Variants in USP32 observed in about 807,000 individuals in gnomAD.
USP32 encodes ubiquitin specific peptidase 32.
USP32 carries 59 observed loss-of-function variants against 204.8 expected under a neutral mutation model. That is an observed-to-expected ratio of 0.29 (90% CI 0.23 to 0.36). USP32 has a LOEUF of 0.36. Ranked by LOEUF, USP32 falls within the 10% of genes least tolerant of loss-of-function variation. USP32 has a pLI of 1.00. For synonymous variants in USP32, 517 were observed against 678.4 expected (o/e 0.76, Z 3.70); for missense variants, 1,160 against 1,946.4 (o/e 0.60, Z 7.60).
At chr17:60,383,074 CGTCTATATTAAAAATA>C (rs1398429881) in intron 1 of USP32, among the ~76,000 whole-genome samples, 2 of 151,816 alleles carry the variant, frequency 1.3e-5, no homozygotes, top group African/African-American at 4.8e-5. Context: ...GCTGAAACCC[CGTCTATATTAAAAATA>C]CAAAAATTAG....
At chr17:60,419,349 A>G (rs968823918) in intron 1 of USP32, among the ~76,000 whole-genome samples, 13 of 152,190 alleles carry the variant, frequency 8.5e-5, no homozygotes, top group Non-Finnish European at 1.9e-4. Flanking sequence ...AACAACACAC[A>G]CTGGGGCCTA....
At position 60,225,909 on chromosome 17, in the gene USP32, G is replaced by A. The variant is rs570902654; in HGVS notation, c.1432+130C>T. The A allele has an allele frequency of 6.6e-5, 63 of 947,738 alleles. No homozygotes were observed. In the Admixed American group the frequency reaches 1.8e-3, roughly 28 times the overall value. The allele number at this position is 947,738 out of a possible 1,614,324, so 58.7% of individuals were successfully genotyped here. On this transcript the variant is annotated intron_variant, in intron 13 of 33. Coordinates refer to ENST00000300896, the MANE Select transcript of USP32 (RefSeq NM_032582.4). ...GTGGAGGTTGCAGTGAGCAGAGATC[G>A]CGCCACTGCGCTCCAGCCTGGGCAA...
At chr17:60,201,651 T>C (rs1160183862) in intron 26 of USP32, among the ~76,000 whole-genome samples, 1 of 151,772 alleles carries the variant, frequency 6.6e-6, no homozygotes, top group African/African-American at 2.4e-5. Flanking sequence ...ATTACTAGTG[T>C]CGTTGATCAT....
At chr17:60,339,573 A>G (rs143754216) in intron 2 of USP32, among the ~76,000 whole-genome samples, 6,086 of 148,898 alleles carry the variant, frequency 0.041, 468 homozygotes, top group African/African-American at 0.15. Context: ...ACAAGAGCAA[A>G]ACTCCATCTC....
At chr17:60,322,856 T>C (rs1036355921) in intron 2 of USP32, among the ~76,000 whole-genome samples, 2 of 152,198 alleles carry the variant, frequency 1.3e-5, no homozygotes, top group Non-Finnish European at 2.9e-5. Context: ...ACCACATGAA[T>C]GTATAAATAT....
chr17:60,264,125 A>AT lies in USP32; in HGVS notation c.990+1286dup, dbSNP rs914069214. Among the ~76,000 whole-genome samples, 310 of 151,750 alleles carry AT rather than the reference A, an allele frequency of 2.0e-3. 1 individual carries two copies. The highest frequency in any genetic ancestry group is 4.6e-3 in the African/African-American group (191 of 41,418). ...TGTTACCAAACTAAATAAGTCAAGGATTTTTTTTTAATTTATAAAGTACAT... is the reference window on the plus strand; with the variant it reads ...TGTTACCAAACTAAATAAGTCAAGGATTTTTTTTTTAATTTATAAAGTACAT... On this transcript the variant is annotated intron_variant, in intron 9 of 33. Coordinates refer to ENST00000300896, the MANE Select transcript of USP32 (RefSeq NM_032582.4).
At chr17:60,283,217 T>C (rs866120582) in intron 5 of USP32, among the ~76,000 whole-genome samples, 2 of 152,192 alleles carry the variant, frequency 1.3e-5, no homozygotes, top group Admixed American at 6.5e-5. Context: ...AGTGTAGCTA[T>C]AATATAAAAG....
chr17:60,396,932 G>T (rs1401110617), upstream of USP32, among the ~76,000 whole-genome samples: 4 of 152,154 alleles, frequency 2.6e-5, no homozygotes, highest in Admixed American at 6.5e-5. Context: ...GTTTACAAAG[G>T]TTAGGAGAAG....
At chr17:60,380,632 G>A (rs2089631605) in intron 1 of USP32, among the ~76,000 whole-genome samples, 1 of 152,182 alleles carries the variant, frequency 6.6e-6, no homozygotes, top group Admixed American at 6.5e-5. Context: ...AATGCTTATT[G>A]TAGAGAAGTG....
intron 1 of USP32, chr17:60,421,380 C>G (rs1822594769): frequency 1.0e-6 from 1 of 985,512 alleles, no homozygotes; most frequent in Non-Finnish European, 1.2e-6. Context: ...TACTTGAAGC[C>G]GCTATGCCCC....
chr17:60,360,495 CT>C (rs2089183064), intron 1 of USP32, among the ~76,000 whole-genome samples: 1 of 151,538 alleles, frequency 6.6e-6, no homozygotes, highest in Admixed American at 6.6e-5. Flanking sequence ...CCCGTATCTA[CT>C]AAAAATACAA....
At chr17:60,273,407 T>C (rs991552069) in intron 5 of USP32, among the ~76,000 whole-genome samples, 1 of 152,184 alleles carries the variant, frequency 6.6e-6, no homozygotes, top group Non-Finnish European at 1.5e-5. Context: ...CCAGAGGGTC[T>C]CTACTTAATA....
chr17:60,237,912 A>G (rs1016922601), intron 11 of USP32, among the ~76,000 whole-genome samples: 3 of 152,156 alleles, frequency 2.0e-5, no homozygotes, highest in East Asian at 3.8e-4. Context: ...GTATTTGAGT[A>G]CCTGTTTTCA....
At position 60,392,114 on chromosome 17, in the gene USP32, C is replaced by G; in HGVS notation, c.-175G>C. ...GGCGGCTCCTCCCGGTCGCCGCCAC[C>G]GCCTCCATGCCGGATCACGTGACTC... is the stretch of plus-strand genomic sequence containing the variant. On this transcript the variant is annotated 5_prime_UTR_variant, in exon 1 of 34. Transcript: ENST00000300896. 1 of 615,064 alleles carries G rather than the reference C, an allele frequency of 1.6e-6. No homozygotes were observed. Among genetic ancestry groups the G allele is most frequent in the Non-Finnish European group, 2.8e-6 (1 of 362,556 alleles). 38.1% of individuals were successfully genotyped at this position (615,064 alleles called of 1,614,324 possible).
At chr17:60,410,678 TAAAG>T (rs952252155) in intron 1 of USP32, among the ~76,000 whole-genome samples, 9 of 151,376 alleles carry the variant, frequency 5.9e-5, no homozygotes, top group South Asian at 2.1e-4. Flanking sequence ...AAAAAATAAA[TAAAG>T]AAAGAAAGAA....
Position 60,345,525 on chromosome 17 carries a change from T to G in USP32, c.142A>C (p.Ile48Leu). 1 of 1,614,232 alleles carries G rather than the reference T, an allele frequency of 6.2e-7. No individual in the cohort carries two copies. The highest frequency in any genetic ancestry group is 8.5e-7 in the Non-Finnish European group (1 of 1,180,032). Residue 48 changes from isoleucine to leucine, a missense_variant, in exon 2 of 34, where the codon ATC becomes CTC. Physicochemically the swap from Ile to Leu is conservative, Grantham distance 5 (BLOSUM62 2). Transcript: ENST00000300896. ...LSYYMGQHCFIREVLGDGVPP... is the reference protein window; with the variant it reads ...LSYYMGQHCFLREVLGDGVPP... ...ACTCCATCCCCAAGCACTTCCCGGA[T>G]GAAGCAGTGCTGGCCCATGTAATAT...
intron 27 of USP32, among the ~76,000 whole-genome samples, chr17:60,194,962 T>G (rs1220818881): frequency 6.6e-6 from 1 of 152,198 alleles, no homozygotes; most frequent in African/African-American, 2.4e-5. Flanking sequence ...AATTTCAAAT[T>G]TATTGACATA....
Position 60,213,585 on chromosome 17 carries a change from A to G in USP32, c.2100T>C (p.Ile700=), listed in dbSNP as rs1301713711. 7.8e-7 allele frequency: 1 copy of G among 1,289,776 alleles called. No individual in the cohort carries two copies. The highest frequency in any genetic ancestry group is 2.4e-5 in the East Asian group (1 of 40,988). The allele number at this position is 1,289,776 out of a possible 1,614,324, so 79.9% of individuals were successfully genotyped here. The stretch of plus-strand genomic sequence containing the variant: ...ATGCATGCTTCCATCTTGTACCTTC[A>G]ATTACCAGGTGTTGTTCATCCTGGA... The part of the protein sequence containing the change: ...LKIQDEQHLV[I]EVRNKDMSWP... Residue 700 remains isoleucine, a synonymous_variant, in exon 18 of 34, where the codon ATT becomes ATC. Coordinates refer to ENST00000300896, the MANE Select transcript of USP32 (RefSeq NM_032582.4).
chr17:60,242,117 T>A (rs1392170272), intron 11 of USP32, among the ~76,000 whole-genome samples: 2 of 152,286 alleles, frequency 1.3e-5, no homozygotes, highest in East Asian at 3.9e-4. Context: ...CCGTTTTTTG[T>A]TTTTTAAAGA....
Sources: allele counts gnomAD v4.1 joint callset (sites outside exome capture counted in the v4.1 genomes callset), GRCh38; gene constraint gnomAD v4.1.1; transcripts MANE v1.5; gene names NCBI Gene and HGNC (gene_info 2026-07-23, HGNC 2026-07-21).